SYNPO2: variants seen among roughly 807,000 people sequenced by gnomAD.
The protein encoded by SYNPO2 is synaptopodin 2.
In SYNPO2, 56 loss-of-function variants were observed where a neutral mutation model predicts 85.0. That is an observed-to-expected ratio of 0.66 (90% CI 0.53 to 0.82). SYNPO2 has a LOEUF of 0.82. SYNPO2 is among the 40% of genes least tolerant of loss of function. The pLI is 0.00. For missense variants in SYNPO2, 1,575 were observed against 1,534.2 expected, an observed-to-expected ratio of 1.03 and a Z score of -0.44; for synonymous variants, 602 against 591.1, an observed-to-expected ratio of 1.02 and a Z score of -0.27.
chr4:119,012,321 TG>T lies in SYNPO2; in HGVS notation c.106-11108del, dbSNP rs553536155. Among the ~76,000 whole-genome samples, 558 of 152,104 alleles carry T rather than the reference TG, an allele frequency of 3.7e-3. 3 individuals are homozygous for T. The highest frequency in any genetic ancestry group is 0.013 in the African/African-American group (530 of 41,502). On this transcript the variant is annotated intron_variant, in intron 1 of 4. Transcript: ENST00000307142. Reference sequence around the variant, plus strand: ...AGAGTGATCTTTAGCCTGAATTGGTTGTTGGTTTTAGTCTTGCTCTTTTAGC... The same window carrying T: ...AGAGTGATCTTTAGCCTGAATTGGTTTTGGTTTTAGTCTTGCTCTTTTAGC...
intron 4 of SYNPO2, chr4:119,035,141 T>C (rs1175981323): frequency 2.0e-6 from 2 of 985,340 alleles, no homozygotes; most frequent in Admixed American, 1.2e-4. Flanking sequence ...CACTGGAATA[T>C]AAATGAAAAA....
Position 118,946,804 on chromosome 4 carries a change from C to T in SYNPO2, c.105+57663C>T, listed in dbSNP as rs1373268081. Among the ~76,000 whole-genome samples, 3 of 152,106 alleles carry T rather than the reference C, an allele frequency of 2.0e-5. 1 individual carries two copies. In the East Asian group the frequency reaches 5.8e-4, roughly 29 times the overall value. On this transcript the variant is annotated intron_variant, in intron 1 of 4. Coordinates refer to ENST00000307142, the MANE Select transcript of SYNPO2 (RefSeq NM_133477.3). ...TTAGCATGCCCTCTTTCCTAAACACCTTATACAAAGTGCTTGAGAGAATGC... is the reference window on the plus strand; with the variant it reads ...TTAGCATGCCCTCTTTCCTAAACACTTTATACAAAGTGCTTGAGAGAATGC...
At chr4:119,036,571 G>T (rs1738520756) in intron 4 of SYNPO2, 3 of 985,288 alleles carry the variant, frequency 3.0e-6, no homozygotes, top group African/African-American at 1.7e-5. Flanking sequence ...AGGCAAAATT[G>T]CTCTAAGAAG....
rs370387775 is a variant in SYNPO2, at chr4:119,001,376, TA to T, written c.106-22049del. Among the ~76,000 whole-genome samples the T allele has an allele frequency of 3.9e-4, 60 of 152,310 alleles. 1 individual carries two copies. The South Asian group carries it at 7.5e-3, about 19-fold the overall frequency. ...TCTAGACTAAGGACAGATACTGAAA[TA>T]AAAACAGCACTTTAATATTGTCCTT... On this transcript the variant is annotated intron_variant, in intron 1 of 4. Transcript: ENST00000307142.
At chr4:119,007,112 C>T (rs1211447289) in intron 1 of SYNPO2, among the ~76,000 whole-genome samples, 3 of 148,686 alleles carry the variant, frequency 2.0e-5, no homozygotes, top group Non-Finnish European at 3.0e-5. Flanking sequence ...TCTCTCCCCT[C>T]CCCTTCCCTT....
At chr4:119,041,357 G>A (rs1738710398) in intron 4 of SYNPO2, among the ~76,000 whole-genome samples, 1 of 152,086 alleles carries the variant, frequency 6.6e-6, no homozygotes, top group Non-Finnish European at 1.5e-5. Flanking sequence ...CACTGATAAA[G>A]AAATGTTCAC....
chr4:119,020,052 G>A (rs768786645), intron 1 of SYNPO2, among the ~76,000 whole-genome samples: 7 of 151,972 alleles, frequency 4.6e-5, no homozygotes, highest in Non-Finnish European at 7.4e-5. Flanking sequence ...ACGTAATTAC[G>A]CACAATAGAA....
intron 1 of SYNPO2, among the ~76,000 whole-genome samples, chr4:118,976,294 C>T (rs528050295): frequency 2.6e-5 from 4 of 152,108 alleles, no homozygotes; most frequent in Non-Finnish European, 5.9e-5. Context: ...CTTAAGGCAG[C>T]GCGTCTGGAG....
At position 119,027,042 on chromosome 4, in the gene SYNPO2, A is replaced by C; in HGVS notation, c.673A>C (p.Lys225Gln). ...LVALPGAEKSKSPDPDPNLSH... is the reference protein window; with the variant it reads ...LVALPGAEKSQSPDPDPNLSH... ...GGCTCTCCCGGGAGCTGAAAAATCT[A>C]AGTCTCCTGACCCAGACCCTAACTT... The change falls in exon 3 of 5, where the codon AAG (lysine) becomes CAG (glutamine). Residue 225 changes from lysine to glutamine, a missense_variant. Physicochemically the swap from Lys to Gln is moderately conservative, Grantham distance 53 (BLOSUM62 1). This residue lies in a region of SYNPO2 where 1,508 missense variants were observed against 1,446.8 expected (regional missense o/e 1.04). Coordinates refer to ENST00000307142, the MANE Select transcript of SYNPO2 (RefSeq NM_133477.3). The C allele has an allele frequency of 1.2e-6, 2 of 1,614,090 alleles. No homozygotes were observed. The highest frequency in any genetic ancestry group is 4.5e-5 in the East Asian group (2 of 44,872).
At chr4:118,870,521 A>G (rs2110571770) in intron 1 of SYNPO2, among the ~76,000 whole-genome samples, 1 of 152,360 alleles carries the variant, frequency 6.6e-6, no homozygotes, top group South Asian at 2.1e-4. Context: ...TCTTTATAGT[A>G]GAATGATTTA....
At chr4:119,036,355 T>G (rs530571787) in intron 4 of SYNPO2, 1 of 985,468 alleles carries the variant, frequency 1.0e-6, no homozygotes, top group African/African-American at 1.7e-5. Context: ...AACACTGTAT[T>G]CCCAGAAACA....
intron 1 of SYNPO2, among the ~76,000 whole-genome samples, chr4:119,005,725 C>G (rs888692623): frequency 1.3e-5 from 2 of 151,910 alleles, no homozygotes; most frequent in African/African-American, 4.8e-5. Flanking sequence ...TTTTTTGGTT[C>G]CATATGAACT....
intron 1 of SYNPO2, among the ~76,000 whole-genome samples, chr4:118,879,366 A>G (rs191902007): frequency 6.6e-6 from 1 of 152,132 alleles, no homozygotes; most frequent in East Asian, 1.9e-4. Flanking sequence ...TGAAATTCAT[A>G]TGTTGAATCC....
At chr4:119,023,954 A>G (rs1247118849) in intron 2 of SYNPO2, among the ~76,000 whole-genome samples, 7 of 152,244 alleles carry the variant, frequency 4.6e-5, no homozygotes, top group Non-Finnish European at 8.8e-5. Flanking sequence ...TGAATTAAAA[A>G]TGTTTAAATA....
At chr4:119,051,186 ATTTTTTTTT>A (rs369864760) in intron 4 of SYNPO2, among the ~76,000 whole-genome samples, 4 of 100,720 alleles carry the variant, frequency 4.0e-5, no homozygotes, top group African/African-American at 7.7e-5. Context: ...ATGGGAAGCA[ATTTTTTTTT>A]TTTTTTTTTT....
intron 1 of SYNPO2, among the ~76,000 whole-genome samples, chr4:118,851,979 G>T (rs1456740550): frequency 1.3e-5 from 2 of 152,118 alleles, no homozygotes; most frequent in Admixed American, 6.5e-5. Context: ...TAATTGCAAT[G>T]TGGAATCTGA....
At chr4:119,056,610 T>C (rs1009758634) in intron 4 of SYNPO2, among the ~76,000 whole-genome samples, 3 of 152,118 alleles carry the variant, frequency 2.0e-5, no homozygotes, top group Admixed American at 2.0e-4. Context: ...GAATATTAAG[T>C]ATACACAGAG....
Position 119,034,759 on chromosome 4 carries a change from C to G in SYNPO2, c.3252+2732C>G, listed in dbSNP as rs1460678602. ...GGAATTTGCTTTCCCTGTCTGCCCA[C>G]CAGGGGCTATATGTGCCACCTTTCA... On this transcript the variant is annotated intron_variant, in intron 4 of 4. Coordinates refer to ENST00000307142, the MANE Select transcript of SYNPO2 (RefSeq NM_133477.3). 3.0e-6 allele frequency: 3 copies of G among 985,414 alleles called. No homozygotes were observed. In the African/African-American group the frequency reaches 5.2e-5, roughly 17 times the overall value. 61.0% of individuals were successfully genotyped at this position (985,414 alleles called of 1,614,324 possible).
At chr4:119,012,569 TTCCG>T (rs1737361385) in intron 1 of SYNPO2, among the ~76,000 whole-genome samples, 1 of 151,954 alleles carries the variant, frequency 6.6e-6, no homozygotes, top group Admixed American at 6.6e-5. Context: ...CTCCAACAGG[TTCCG>T]GTGTGTGATG....
Sources: gnomAD v4.1 joint callset for allele counts (sites outside exome capture counted in the v4.1 genomes callset) on GRCh38, gnomAD v4.1.1 for gene constraint, gnomAD v4.1.1 regional missense constraint, MANE v1.5 for transcripts, NCBI Gene and HGNC (gene_info 2026-07-23, HGNC 2026-07-21) for gene names.